PCDHGC4: variants seen among roughly 807,000 people sequenced by gnomAD.
The protein encoded by PCDHGC4 is protocadherin gamma-C4.
PCDHGC4 carries 15 observed loss-of-function variants against 59.7 expected under a neutral mutation model. The ratio of observed to expected loss-of-function variants is 0.25; its 90% confidence interval spans 0.17 to 0.39. The LOEUF (loss-of-function observed/expected upper bound fraction) is 0.39, where lower values mean the gene tolerates loss of function less well. PCDHGC4 is among the 10% of genes least tolerant of loss of function. The pLI, the probability that PCDHGC4 is intolerant of heterozygous loss-of-function variation, is 1.00. For synonymous variants in PCDHGC4, 434 were observed against 481.4 expected (o/e 0.90, Z 1.29); for missense variants, 1,016 against 1,189.5 (o/e 0.85, Z 2.15).
At position 141,490,960 on chromosome 5, in the gene PCDHGC4, T is replaced by G. The variant is rs1384140919; in HGVS notation, c.2442+3345T>G. 1.9e-6 allele frequency: 3 copies of G among 1,613,794 alleles called. No individual in the cohort carries two copies. In the Admixed American group the frequency reaches 5.0e-5, roughly 27 times the overall value. On this transcript the variant is annotated intron_variant, in intron 1 of 3. Transcript: ENST00000306593. The surrounding 1 kb of genome is among the most constrained non-coding windows in gnomAD (Gnocchi z 5.4). ...GCACCCACGGCCAGACTGGGAACAC[T>G]CAGCCCCCCAGCGTCTCCCTCGCTC...
At chr5:141,495,492 G>C (rs1321150765) in intron 2 of PCDHGC4, among the ~76,000 whole-genome samples, 1 of 152,148 alleles carries the variant, frequency 6.6e-6, no homozygotes, top group Non-Finnish European at 1.5e-5. Flanking sequence ...CCTTTTTCTT[G>C]AGTTTCCGTC....
At position 141,489,657 on chromosome 5, in the gene PCDHGC4, G is replaced by T. The variant is rs755618175; in HGVS notation, c.2442+2042G>T. 6.2e-7 allele frequency: 1 copy of T among 1,614,198 alleles called. No individual in the cohort carries two copies. Among genetic ancestry groups the T allele is most frequent in the Admixed American group, 1.7e-5 (1 of 60,030 alleles). ...CTAGCTTTGCCACCCCTGAGCGAGA[G>T]ATGCGCATCTCAGAATCAGCAGCAT... On this transcript the variant is annotated intron_variant, in intron 1 of 3. Coordinates refer to ENST00000306593, the MANE Select transcript of PCDHGC4 (RefSeq NM_018928.3). This position sits in a 1 kb window ranked among gnomAD's most constrained non-coding sequence, Gnocchi z 4.5.
Position 141,485,243 on chromosome 5 carries a change from C to A in PCDHGC4, c.70C>A (p.Leu24Met). ...WATLLFLFYH[L>M]GYVCGQIRYP... ...TACCCTTTTGTTCCTCTTTTACCACCTGGGTTACGTTTGTGGGCAGATCCG... is the reference window on the plus strand; with the variant it reads ...TACCCTTTTGTTCCTCTTTTACCACATGGGTTACGTTTGTGGGCAGATCCG... Residue 24 changes from leucine to methionine, a missense_variant, in exon 1 of 4, where the codon CTG (leucine) becomes ATG (methionine). Leu to Met is a conservative substitution (Grantham distance 15, BLOSUM62 2). Transcript: ENST00000306593. This position sits in a 1 kb window ranked among gnomAD's most constrained non-coding sequence, Gnocchi z 5.7. 1 of 1,614,180 alleles carries A rather than the reference C, an allele frequency of 6.2e-7. No homozygotes were observed. The highest frequency in any genetic ancestry group is 8.5e-7 in the Non-Finnish European group (1 of 1,180,000).
At position 141,486,709 on chromosome 5, in the gene PCDHGC4, C is replaced by T; in HGVS notation, c.1536C>T (p.Pro512=). 6.2e-7 allele frequency: 1 copy of T among 1,614,182 alleles called. No individual in the cohort carries two copies. The part of the protein sequence containing the change: ...VSASSFISLN[P]QTGAVHATRS... ...CTTCCTCTTTCATCTCTCTGAACCC[C>T]CAGACAGGAGCTGTTCATGCTACTC... The change falls in exon 1 of 4, where the codon CCC becomes CCT. Residue 512 remains proline, a synonymous_variant. Coordinates refer to ENST00000306593, the MANE Select transcript of PCDHGC4 (RefSeq NM_018928.3). This position sits in a 1 kb window ranked among gnomAD's most constrained non-coding sequence, Gnocchi z 5.0.
chr5:141,485,060 G>C lies in PCDHGC4; in HGVS notation c.-114G>C. ...ACCCTTGCGGCGCCGGCCGAACCGCGCCAGAGCTGGCGCGGGGAAAGGGAG... is the reference window on the plus strand; with the variant it reads ...ACCCTTGCGGCGCCGGCCGAACCGCCCCAGAGCTGGCGCGGGGAAAGGGAG... On this transcript the variant is annotated 5_prime_UTR_variant, in exon 1 of 4. Transcript: ENST00000306593. This position sits in a 1 kb window ranked among gnomAD's most constrained non-coding sequence, Gnocchi z 5.7. 1 of 862,304 alleles carries C rather than the reference G, an allele frequency of 1.2e-6. No individual in the cohort carries two copies. The highest frequency in any genetic ancestry group is 1.9e-6 in the Non-Finnish European group (1 of 540,422). 53.4% of individuals were successfully genotyped at this position (862,304 alleles called of 1,614,324 possible).
intron 3 of PCDHGC4, among the ~76,000 whole-genome samples, chr5:141,506,567 T>G (rs2099855029): frequency 6.6e-6 from 1 of 152,182 alleles, no homozygotes; most frequent in Non-Finnish European, 1.5e-5. Flanking sequence ...CCCCCTCGGT[T>G]TCACTTACTA....
intron 2 of PCDHGC4, among the ~76,000 whole-genome samples, chr5:141,496,775 GCAGGGCC>G (rs1025427712): frequency 6.6e-6 from 1 of 152,038 alleles, no homozygotes; most frequent in Non-Finnish European, 1.5e-5. Flanking sequence ...TCTACTATGA[GCAGGGCC>G]CTGTGCTAAA....
In PCDHGC4 at chr5:141,503,243, C is replaced by T. The variant is rs146741382; in HGVS notation, c.2502-2150C>T. Among the ~76,000 whole-genome samples the T allele has an allele frequency of 3.1e-4, 47 of 152,198 alleles. No individual in the cohort carries two copies. The East Asian group carries it at 8.9e-3, about 29-fold the overall frequency. ...CACCGTAAAGATGGACAGTTTCTAT[C>T]ATACTCACAGCCACAACCCCAGCAC... On this transcript the variant is annotated intron_variant, in intron 2 of 3. Coordinates refer to ENST00000306593, the MANE Select transcript of PCDHGC4 (RefSeq NM_018928.3).
intron 1 of PCDHGC4, among the ~76,000 whole-genome samples, chr5:141,492,409 C>A (rs1367119266): frequency 6.6e-6 from 1 of 152,230 alleles, no homozygotes; most frequent in Non-Finnish European, 1.5e-5. Flanking sequence ...TCCCCTCTGC[C>A]GCTCCCTCCG....
At chr5:141,501,333 A>C (rs200092587) in intron 2 of PCDHGC4, among the ~76,000 whole-genome samples, 397 of 140,104 alleles carry the variant, frequency 2.8e-3, no homozygotes, top group Non-Finnish European at 2.6e-3. Flanking sequence ...ACACACACAC[A>C]CCCCAAACTC....
chr5:141,489,459 C>T lies in PCDHGC4; in HGVS notation c.2442+1844C>T. The T allele has an allele frequency of 6.2e-7, 1 of 1,614,086 alleles. No homozygotes were observed. The highest frequency in any genetic ancestry group is 8.5e-7 in the Non-Finnish European group (1 of 1,180,012). On this transcript the variant is annotated intron_variant, in intron 1 of 3. Coordinates refer to ENST00000306593, the MANE Select transcript of PCDHGC4 (RefSeq NM_018928.3). The surrounding 1 kb of genome is among the most constrained non-coding windows in gnomAD (Gnocchi z 4.5). The stretch of plus-strand genomic sequence containing the variant: ...AATTGGGCTCTGAGGAGAATGGGCG[C>T]TATTTTTCCCTGAGCTTGATGAGTG...
intron 2 of PCDHGC4, among the ~76,000 whole-genome samples, chr5:141,501,049 A>G (rs1458722311): frequency 1.3e-5 from 2 of 151,844 alleles, no homozygotes; most frequent in African/African-American, 2.4e-5. Flanking sequence ...TTGTATTTTT[A>G]GTAGAGACGG....
At position 141,491,299 on chromosome 5, in the gene PCDHGC4, C is replaced by T. The variant is rs777271881; in HGVS notation, c.2443-3508C>T. ...TGACTTCCTCATACACCCTCCTGAG[C>T]GTTCAGACCTTACCCTTTACCTCAT... On this transcript the variant is annotated intron_variant, in intron 1 of 3. Transcript: ENST00000306593. This position sits in a 1 kb window ranked among gnomAD's most constrained non-coding sequence, Gnocchi z 6.9. 3.7e-6 allele frequency: 6 copies of T among 1,614,068 alleles called. No individual in the cohort carries two copies. Among genetic ancestry groups the T allele is most frequent in the Non-Finnish European group, 5.1e-6 (6 of 1,179,896 alleles).
chr5:141,511,147 A>T lies in PCDHGC4; in HGVS notation c.2791A>T (p.Lys931Ter). The change falls in exon 4 of 4, where the codon AAG becomes TAG. Residue 931 changes from lysine to a stop codon, truncating the protein, a stop_gained. Coordinates refer to ENST00000306593, the MANE Select transcript of PCDHGC4 (RefSeq NM_018928.3). LOFTEE classifies it high-confidence loss of function. Reference sequence around the variant, plus strand: ...AGCAGGTGGCAATGGCAACAAGAAGAAGTCGGGCAAGAAGGAGAAGAAGTA... The same window carrying T: ...AGCAGGTGGCAATGGCAACAAGAAGTAGTCGGGCAAGAAGGAGAAGAAGTA... The part of the protein sequence containing the change: ...APAGGNGNKK[K>*]SGKKEKK 1 of 1,614,188 alleles carries T rather than the reference A, an allele frequency of 6.2e-7. No homozygotes were observed. Among genetic ancestry groups the T allele is most frequent in the East Asian group, 2.2e-5 (1 of 44,876 alleles).
At position 141,485,681 on chromosome 5, in the gene PCDHGC4, T is replaced by A; in HGVS notation, c.508T>A (p.Tyr170Asn). The A allele has an allele frequency of 6.2e-7, 1 of 1,614,074 alleles. No homozygotes were observed. The highest frequency in any genetic ancestry group is 8.5e-7 in the Non-Finnish European group (1 of 1,179,966). ...TGTGGGGAGCAATTCGATTAGCAGC[T>A]ATAGGCTGAGCTCCAATGAACACTT... ...ADVGSNSISS[Y>N]RLSSNEHFAL... Residue 170 changes from tyrosine to asparagine, a missense_variant, in exon 1 of 4, where the codon TAT becomes AAT. By Grantham distance (143) the Tyr-to-Asn change is moderately radical (BLOSUM62 -2). Transcript: ENST00000306593. The surrounding 1 kb of genome is among the most constrained non-coding windows in gnomAD (Gnocchi z 5.7).
At chr5:141,501,127 T>C (rs2099805755) in intron 2 of PCDHGC4, among the ~76,000 whole-genome samples, 5 of 152,024 alleles carry the variant, frequency 3.3e-5, no homozygotes, top group Non-Finnish European at 7.4e-5. Context: ...TCAGCCTCCC[T>C]AAGTGCTGGG....
At chr5:141,504,500 GAGTGGATCT>G (rs2099838791) in intron 2 of PCDHGC4, among the ~76,000 whole-genome samples, 1 of 152,072 alleles carries the variant, frequency 6.6e-6, no homozygotes, top group Non-Finnish European at 1.5e-5. Context: ...TGCCCAGTCT[GAGTGGATCT>G]CCTCTGATAT....
chr5:141,490,846 G>T lies in PCDHGC4; in HGVS notation c.2442+3231G>T. 1 of 1,613,880 alleles carries T rather than the reference G, an allele frequency of 6.2e-7. No individual in the cohort carries two copies. Among genetic ancestry groups the T allele is most frequent in the Non-Finnish European group, 8.5e-7 (1 of 1,179,906 alleles). ...GCAGATGCTGCAGATTGTGGTGGGG[G>T]TTCGAGACTCCGGCTCTCCCCCATT... On this transcript the variant is annotated intron_variant, in intron 1 of 3. Coordinates refer to ENST00000306593, the MANE Select transcript of PCDHGC4 (RefSeq NM_018928.3). This position sits in a 1 kb window ranked among gnomAD's most constrained non-coding sequence, Gnocchi z 5.4.
rs1054594374 is a variant in PCDHGC4 at position 141,489,607 on chromosome 5, A to G, written c.2442+1992A>G. On this transcript the variant is annotated intron_variant, in intron 1 of 3. Coordinates refer to ENST00000306593, the MANE Select transcript of PCDHGC4 (RefSeq NM_018928.3). This position sits in a 1 kb window ranked among gnomAD's most constrained non-coding sequence, Gnocchi z 4.5. ...GGAGCTAATCCGTGTAGAGGTAGAG[A>G]TCCTGGATCTCAATGACAACTCTCC... The G allele has an allele frequency of 6.2e-6, 10 of 1,613,850 alleles. No homozygotes were observed. The highest frequency in any genetic ancestry group is 8.5e-6 in the Non-Finnish European group (10 of 1,179,956).
Sources: allele counts gnomAD v4.1 joint callset (sites outside exome capture counted in the v4.1 genomes callset), GRCh38; gene constraint gnomAD v4.1.1; non-coding constraint Gnocchi (gnomAD v3.1); transcripts MANE v1.5; gene names NCBI Gene and HGNC (gene_info 2026-07-23, HGNC 2026-07-21).